Variants in FGF12 observed in about 807,000 individuals in gnomAD.
The protein encoded by FGF12 is fibroblast growth factor 12B.
FGF12 carries 14 observed loss-of-function variants against 23.6 expected under a neutral mutation model. The observed-to-expected ratio is 0.59, with a 90% CI of 0.39 to 0.93. The LOEUF (loss-of-function observed/expected upper bound fraction) is 0.93. Ranked by LOEUF, FGF12 falls within the 40% of genes least tolerant of loss-of-function variation. FGF12 has a pLI of 0.00. For synonymous variants in FGF12, 62 were observed against 77.3 expected (o/e 0.80, Z 1.04); for missense variants, 175 against 217.8 (o/e 0.80, Z 1.24).
chr3:192,326,437 G>A lies in FGF12; in HGVS notation c.228+8924C>T, dbSNP rs186416046. 9.2e-5 allele frequency among the ~76,000 whole-genome samples: 14 copies of A among 152,118 alleles called. 1 individual carries two copies. Among genetic ancestry groups the A allele is most frequent in the Middle Eastern group, 6.8e-3 (2 of 292 alleles). ...TCCTCTCCTTATAGTTACCAATAGC[G>A]GCCCTTTCATTTTTCTTCCTTAGAG... On this transcript the variant is annotated intron_variant, in intron 4 of 5. Transcript: ENST00000445105.
intron 2 of FGF12, among the ~76,000 whole-genome samples, chr3:192,628,530 TA>T (rs1396683307): frequency 1.9e-4 from 28 of 150,624 alleles, no homozygotes; most frequent in African/African-American, 6.3e-4. Flanking sequence ...TGTATATATA[TA>T]TATACTATTT....
At chr3:192,369,969 G>A (rs901735180) in intron 2 of FGF12, among the ~76,000 whole-genome samples, 9 of 152,194 alleles carry the variant, frequency 5.9e-5, no homozygotes, top group African/African-American at 1.9e-4. Context: ...CCACTTTATA[G>A]TTAGCCTAGA....
At chr3:192,704,746 A>G (rs1399520737) in intron 2 of FGF12, among the ~76,000 whole-genome samples, 1 of 152,232 alleles carries the variant, frequency 6.6e-6, no homozygotes, top group African/African-American at 2.4e-5. Context: ...ATAGAAGACT[A>G]TGAAGTCTCC....
chr3:192,252,691 C>T (rs1712117109), intron 4 of FGF12, among the ~76,000 whole-genome samples: 1 of 151,720 alleles, frequency 6.6e-6, no homozygotes, highest in South Asian at 2.1e-4. Flanking sequence ...ACACAAGGAT[C>T]ACCTTAATTT....
At chr3:192,714,771 G>C (rs1355779093) in intron 2 of FGF12, among the ~76,000 whole-genome samples, 1 of 152,122 alleles carries the variant, frequency 6.6e-6, no homozygotes, top group Non-Finnish European at 1.5e-5. Flanking sequence ...GCCCGCCTCG[G>C]CCTCCCAAAG....
intron 4 of FGF12, among the ~76,000 whole-genome samples, chr3:192,210,343 T>C: frequency 6.6e-6 from 1 of 151,820 alleles, no homozygotes; most frequent in Admixed American, 6.6e-5. Flanking sequence ...TGCATATGTG[T>C]GAGAGGAAAC....
In FGF12 at chr3:192,143,995, G is replaced by A. The variant is rs765336878; in HGVS notation, c.*14C>T. On this transcript the variant is annotated 3_prime_UTR_variant, in exon 6 of 6. Transcript: ENST00000445105. ...GGGAAGGGATGAGAGAGGGAAGAAG[G>A]GGAGAGTTCTCAGCTATGTTGAATC... 1 of 1,472,132 alleles carries A rather than the reference G, an allele frequency of 6.8e-7. No homozygotes were observed. The highest frequency in any genetic ancestry group is 9.5e-7 in the Non-Finnish European group (1 of 1,050,830). 91.2% of individuals were successfully genotyped at this position (1,472,132 alleles called of 1,614,324 possible). A position where few individuals can be genotyped will look rare whatever the true frequency, so the allele number is the denominator to read the frequency against.
chr3:192,630,940 G>A (rs1291854411), intron 2 of FGF12, among the ~76,000 whole-genome samples: 2 of 151,918 alleles, frequency 1.3e-5, no homozygotes, highest in Non-Finnish European at 2.9e-5. Context: ...CAACAGCTGA[G>A]GCTAAAGCTA....
chr3:192,367,999 T>A (rs1450325689), intron 2 of FGF12, among the ~76,000 whole-genome samples: 9 of 152,178 alleles, frequency 5.9e-5, no homozygotes, highest in East Asian at 1.9e-4. Flanking sequence ...TTTTATTTTT[T>A]AAAAATGAAT....
chr3:192,670,167 C>A (rs1395718219), intron 2 of FGF12, among the ~76,000 whole-genome samples: 1 of 152,092 alleles, frequency 6.6e-6, no homozygotes, highest in Non-Finnish European at 1.5e-5. Context: ...GATTGACAAT[C>A]CAGCTGTCTT....
intron 4 of FGF12, among the ~76,000 whole-genome samples, chr3:192,322,188 GA>G (rs1716579955): frequency 6.6e-6 from 1 of 151,472 alleles, no homozygotes; most frequent in Non-Finnish European, 1.5e-5. Context: ...TGAACAATCA[GA>G]AAAAGAAATT....
chr3:192,726,936 C>A, intron 2 of FGF12: 1 of 550,746 alleles, frequency 1.8e-6, no homozygotes, highest in South Asian at 2.7e-5. Flanking sequence ...CCACCTCCCC[C>A]CAAAAAACTC....
At chr3:192,559,668 GA>G (rs1204129489) in intron 2 of FGF12, among the ~76,000 whole-genome samples, 2 of 151,352 alleles carry the variant, frequency 1.3e-5, no homozygotes, top group Admixed American at 6.6e-5. Context: ...AAAAAAAGAA[GA>G]AAAAAAAGAT....
intron 2 of FGF12, among the ~76,000 whole-genome samples, chr3:192,588,850 T>C (rs1713500609): frequency 6.6e-6 from 1 of 151,540 alleles, no homozygotes; most frequent in Admixed American, 6.6e-5. Flanking sequence ...TTAGTAATTA[T>C]AATGTTTGTT....
At chr3:192,704,776 G>C (rs191026287) in intron 2 of FGF12, among the ~76,000 whole-genome samples, 11 of 152,310 alleles carry the variant, frequency 7.2e-5, no homozygotes, top group African/African-American at 2.6e-4. Flanking sequence ...CTGCTGTTTA[G>C]TGTAGCCACC....
At chr3:192,466,657 A>C (rs1479250238) in intron 2 of FGF12, among the ~76,000 whole-genome samples, 2 of 152,202 alleles carry the variant, frequency 1.3e-5, no homozygotes, top group South Asian at 2.1e-4. Context: ...ATTTTACCTT[A>C]ATTTTCTTAG....
intron 2 of FGF12, among the ~76,000 whole-genome samples, chr3:192,668,077 T>C (rs556564713): frequency 6.6e-6 from 1 of 152,164 alleles, no homozygotes; most frequent in African/African-American, 2.4e-5. Context: ...GAATGGAGAA[T>C]TGGTTTAATA....
At chr3:192,248,161 T>G (rs971674830) in intron 4 of FGF12, among the ~76,000 whole-genome samples, 1 of 152,210 alleles carries the variant, frequency 6.6e-6, no homozygotes, top group African/African-American at 2.4e-5. Flanking sequence ...AATACACATG[T>G]TCAAAGGAGC....
chr3:192,282,815 T>C (rs887634055), intron 4 of FGF12: 6 of 152,142 alleles, frequency 3.9e-5, no homozygotes, highest in African/African-American at 1.4e-4. Flanking sequence ...CTACAGAAAT[T>C]GCACAGAGAG....
Sources: allele counts gnomAD v4.1 joint callset (sites outside exome capture counted in the v4.1 genomes callset), GRCh38; gene constraint gnomAD v4.1.1; transcripts MANE v1.5; gene names NCBI Gene and HGNC (gene_info 2026-07-23, HGNC 2026-07-21).